Variants in SEMA3C observed in about 807,000 individuals in gnomAD.
SEMA3C encodes the protein semaphorin 3C, also known as semaphorin-3C.
SEMA3C carries 47 observed loss-of-function variants against 89.4 expected under a neutral mutation model. The ratio of observed to expected loss-of-function variants is 0.53; its 90% CI spans 0.42 to 0.67. SEMA3C has a LOEUF of 0.67. Ranked by LOEUF, SEMA3C falls within the 30% of genes least tolerant of loss-of-function variation. The pLI, the probability that SEMA3C is intolerant of heterozygous loss-of-function variation, is 0.00. For missense variants in SEMA3C, 839 were observed against 929.1 expected, an observed-to-expected ratio of 0.90 and a Z score of 1.26; for synonymous variants, 310 against 320.2, an observed-to-expected ratio of 0.97 and a Z score of 0.34.
chr7:80,750,501 C>CACACAT (rs1491150835), intron 16 of SEMA3C, among the ~76,000 whole-genome samples: 7 of 135,978 alleles, frequency 5.1e-5, no homozygotes, highest in Admixed American at 1.5e-4. Flanking sequence ...CACACACACA[C>CACACAT]ATACACACAC....
upstream of SEMA3C, among the ~76,000 whole-genome samples, chr7:80,919,563 TTTTTTTGTTTTTTG>T (rs201080973): frequency 2.4e-4 from 35 of 145,234 alleles, no homozygotes; most frequent in African/African-American, 6.9e-4. Flanking sequence ...TGCTGCGTTT[TTTTTTTGTTTTTTG>T]TTTTTTGTTT....
chr7:80,904,242 T>C (rs1791953459), intron 2 of SEMA3C, among the ~76,000 whole-genome samples: 1 of 152,134 alleles, frequency 6.6e-6, no homozygotes, highest in African/African-American at 2.4e-5. Context: ...GATTTCACCA[T>C]GTTGGCCAGG....
intron 2 of SEMA3C, among the ~76,000 whole-genome samples, chr7:80,868,311 A>C (rs1790976573): frequency 6.6e-6 from 1 of 152,176 alleles, no homozygotes; most frequent in South Asian, 2.1e-4. Flanking sequence ...TCTGTCACCC[A>C]GGCTGGAGTG....
intron 2 of SEMA3C, among the ~76,000 whole-genome samples, chr7:80,864,855 G>C (rs1790887874): frequency 6.6e-6 from 1 of 152,130 alleles, no homozygotes; most frequent in Non-Finnish European, 1.5e-5. Context: ...TTCAACTTCA[G>C]ATCAGCTCTT....
intron 5 of SEMA3C, among the ~76,000 whole-genome samples, chr7:80,813,935 C>T (rs1257976315): frequency 6.6e-6 from 1 of 152,078 alleles, no homozygotes; most frequent in Non-Finnish European, 1.5e-5. Flanking sequence ...AAACTCAGTG[C>T]TTATTTTTTA....
intron 2 of SEMA3C, among the ~76,000 whole-genome samples, chr7:80,853,402 G>C (rs2115949400): frequency 6.6e-6 from 1 of 152,284 alleles, no homozygotes; most frequent in East Asian, 1.9e-4. Context: ...TAAAGAAAAT[G>C]TGGTACATAT....
intron 10 of SEMA3C, among the ~76,000 whole-genome samples, chr7:80,799,036 C>T (rs1789134463): frequency 6.6e-6 from 1 of 151,988 alleles, no homozygotes; most frequent in African/African-American, 2.4e-5. Flanking sequence ...GTTACAGGTA[C>T]TGGAAAAAAC....
At chr7:80,751,603 T>C (rs1787937745) in intron 15 of SEMA3C, among the ~76,000 whole-genome samples, 1 of 152,198 alleles carries the variant, frequency 6.6e-6, no homozygotes, top group South Asian at 2.1e-4. Flanking sequence ...GCCTGCTGCA[T>C]GCATATCCTG....
chr7:80,757,002 C>A (rs1045028606), intron 15 of SEMA3C, among the ~76,000 whole-genome samples: 1 of 151,916 alleles, frequency 6.6e-6, no homozygotes, highest in Non-Finnish European at 1.5e-5. Flanking sequence ...GTCTTTTTTC[C>A]TGTTATATGC....
chr7:80,919,128 G>T, upstream of SEMA3C: 1 of 984,686 alleles, frequency 1.0e-6, no homozygotes, highest in Non-Finnish European at 1.2e-6. Context: ...GGCTCCGGCT[G>T]CCCCGGCGCG....
chr7:80,868,552 A>G (rs1196448667), intron 2 of SEMA3C, among the ~76,000 whole-genome samples: 1 of 152,156 alleles, frequency 6.6e-6, no homozygotes. Context: ...TACAGGTGTG[A>G]GCCACTGCAC....
At chr7:80,914,770 C>T (rs1792230599) in intron 2 of SEMA3C, among the ~76,000 whole-genome samples, 1 of 152,090 alleles carries the variant, frequency 6.6e-6, no homozygotes, top group African/African-American at 2.4e-5. Flanking sequence ...AAGTCTTATT[C>T]TGCAAGAATC....
intron 2 of SEMA3C, among the ~76,000 whole-genome samples, chr7:80,886,662 C>T (rs1426766627): frequency 6.6e-6 from 1 of 152,048 alleles, no homozygotes; most frequent in Non-Finnish European, 1.5e-5. Flanking sequence ...AGTTAAACTT[C>T]TTAAAAGTGA....
At chr7:80,756,211 A>G (rs1296380210) in intron 15 of SEMA3C, among the ~76,000 whole-genome samples, 1 of 152,182 alleles carries the variant, frequency 6.6e-6, no homozygotes, top group Non-Finnish European at 1.5e-5. Context: ...TGACATCTAC[A>G]TAAATCCTAA....
chr7:80,911,650 C>CTTGCTCAGGCTGGAGTACAA, intron 2 of SEMA3C, among the ~76,000 whole-genome samples: 1 of 149,310 alleles, frequency 6.7e-6, no homozygotes, highest in East Asian at 2.0e-4. Flanking sequence ...GTCTCACTCT[C>CTTGCTCAGGCTGGAGTACAA]TTGCTCAGGC....
intron 14 of SEMA3C, among the ~76,000 whole-genome samples, chr7:80,760,162 T>C (rs1307368536): frequency 1.3e-5 from 2 of 152,230 alleles, no homozygotes; most frequent in Non-Finnish European, 2.9e-5. Context: ...GTTGTACAAA[T>C]GATTTCCAAA....
intron 2 of SEMA3C, among the ~76,000 whole-genome samples, chr7:80,860,892 C>T (rs11971277): frequency 0.032 from 4,845 of 152,156 alleles, 171 homozygotes; most frequent in Middle Eastern, 0.095. Flanking sequence ...TAGTTACCTT[C>T]GAAGCATACT....
intron 2 of SEMA3C, among the ~76,000 whole-genome samples, chr7:80,879,235 G>C (rs533467702): frequency 6.6e-6 from 1 of 152,152 alleles, no homozygotes; most frequent in Non-Finnish European, 1.5e-5. Context: ...AACAATGGGA[G>C]ATGTCTGAGC....
At chr7:80,850,867 G>A (rs541223200) in intron 2 of SEMA3C, among the ~76,000 whole-genome samples, 13 of 152,212 alleles carry the variant, frequency 8.5e-5, no homozygotes, top group East Asian at 1.9e-4. Flanking sequence ...TACTACAGGC[G>A]TGGTGACTTA....
Sources: allele counts gnomAD v4.1 joint callset (sites outside exome capture counted in the v4.1 genomes callset), GRCh38; gene constraint gnomAD v4.1.1; transcripts MANE v1.5; gene names NCBI Gene and HGNC (gene_info 2026-07-23, HGNC 2026-07-21).